Variants in FHIT observed in about 807,000 individuals in gnomAD.
The protein encoded by FHIT is fragile histidine triad diadenosine triphosphatase.
Under a neutral mutation model 17.9 loss-of-function variants are expected in FHIT, and 19 were observed. The observed-to-expected ratio is 1.06, with a 90% CI of 0.74 to 1.56. FHIT has a LOEUF of 1.56. FHIT is among the 40% of genes most tolerant of loss of function. The probability of loss-of-function intolerance (pLI) is 0.00; values close to 1 mark genes in which losing one functional copy is unlikely to be tolerated. For synonymous variants in FHIT, 81 were observed against 69.7 expected (o/e 1.16, Z -0.81); for missense variants, 248 against 189.2 (o/e 1.31, Z -1.82).
chr3:60,567,881 A>G (rs2037198758), intron 4 of FHIT, among the ~76,000 whole-genome samples: 1 of 152,248 alleles, frequency 6.6e-6, no homozygotes, highest in Non-Finnish European at 1.5e-5. Flanking sequence ...TGGCCATCAG[A>G]GAAATGCAAA....
chr3:59,754,742 C>T (rs1701114399), intron 8 of FHIT, among the ~76,000 whole-genome samples: 1 of 152,154 alleles, frequency 6.6e-6, no homozygotes, highest in Non-Finnish European at 1.5e-5. Flanking sequence ...TTGTGCCAAT[C>T]CTTAGAAGAA....
chr3:60,521,405 A>G (rs1465313292), intron 5 of FHIT, among the ~76,000 whole-genome samples: 11 of 151,908 alleles, frequency 7.2e-5, no homozygotes, highest in East Asian at 5.8e-4. Flanking sequence ...CCGCCACCAC[A>G]CCCAGCTAAT....
intron 3 of FHIT, among the ~76,000 whole-genome samples, chr3:60,865,705 T>A (rs1475619833): frequency 1.3e-5 from 2 of 152,130 alleles, no homozygotes; most frequent in African/African-American, 4.8e-5. Flanking sequence ...GGCTCATGAC[T>A]CCCTGTGAGA....
At chr3:60,096,047 T>C (rs985479910) in intron 5 of FHIT, among the ~76,000 whole-genome samples, 3 of 152,198 alleles carry the variant, frequency 2.0e-5, no homozygotes, top group African/African-American at 7.2e-5. Context: ...CTTGATCACT[T>C]TGCAAGCCAG....
At chr3:60,797,991 T>G (rs1022462579) in intron 4 of FHIT, among the ~76,000 whole-genome samples, 1 of 152,328 alleles carries the variant, frequency 6.6e-6, no homozygotes, top group East Asian at 1.9e-4. Flanking sequence ...GTATACATTT[T>G]AAATACAAAT....
At chr3:60,948,925 C>T (rs1177389315) in intron 3 of FHIT, among the ~76,000 whole-genome samples, 2 of 152,010 alleles carry the variant, frequency 1.3e-5, no homozygotes, top group Non-Finnish European at 2.9e-5. Flanking sequence ...AGTTTTCCAT[C>T]GCCCTCAATT....
rs1707723594 is a variant in FHIT, at chr3:59,962,306, A to G, written c.280-39892T>C. On this transcript the variant is annotated intron_variant, in intron 7 of 9. Coordinates refer to ENST00000492590, the MANE Select transcript of FHIT (RefSeq NM_002012.4). ...ATGGGGCTCTTGGAAAATACTTTAT[A>G]CTGCCTGTTCTCAGTTTTTTTCTTC... 2.0e-5 allele frequency among the ~76,000 whole-genome samples: 3 copies of G among 152,166 alleles called. No homozygotes were observed. The South Asian group carries it at 6.2e-4, about 32-fold the overall frequency.
intron 5 of FHIT, among the ~76,000 whole-genome samples, chr3:60,075,232 T>C (rs1022277336): frequency 5.3e-5 from 8 of 152,044 alleles, no homozygotes; most frequent in Non-Finnish European, 1.0e-4. Flanking sequence ...AATGGAATAA[T>C]CAATCACTCA....
At chr3:61,027,831 T>C (rs1178088961) in intron 3 of FHIT, among the ~76,000 whole-genome samples, 2 of 152,226 alleles carry the variant, frequency 1.3e-5, no homozygotes, top group South Asian at 2.1e-4. Context: ...TCAAGAGTAG[T>C]GATTATTTTA....
intron 5 of FHIT, among the ~76,000 whole-genome samples, chr3:60,497,712 T>C (rs2034357150): frequency 6.6e-6 from 1 of 152,168 alleles, no homozygotes; most frequent in African/African-American, 2.4e-5. Context: ...GCTAATTCCG[T>C]CCTTTCCTGG....
chr3:60,729,448 T>C (rs141723197), intron 4 of FHIT, among the ~76,000 whole-genome samples: 75 of 152,198 alleles, frequency 4.9e-4, no homozygotes, highest in Admixed American at 1.6e-3. Context: ...GTAAAATGTA[T>C]GGGGGAAAAT....
At position 60,505,990 on chromosome 3, in the gene FHIT, T is replaced by C. The variant is rs72882160; in HGVS notation, c.103+30870A>G. ...GAAACTATTAGGCCATTTGTAAAAG[T>C]CTGGTTTGATGACTCCTCATTTTGT... On this transcript the variant is annotated intron_variant, in intron 5 of 9. Coordinates refer to ENST00000492590, the MANE Select transcript of FHIT (RefSeq NM_002012.4). 6.6e-3 allele frequency among the ~76,000 whole-genome samples: 1,001 copies of C among 152,312 alleles called. 10 individuals carry two copies. The highest frequency in any genetic ancestry group is 0.023 in the African/African-American group (946 of 41,564).
chr3:60,074,943 A>G (rs1224200383), intron 5 of FHIT, among the ~76,000 whole-genome samples: 1 of 152,074 alleles, frequency 6.6e-6, no homozygotes, highest in African/African-American at 2.4e-5. Context: ...ACTGGATCCA[A>G]GACATGAAGC....
intron 5 of FHIT, among the ~76,000 whole-genome samples, chr3:60,462,810 G>A (rs540963087): frequency 5.2e-4 from 79 of 152,310 alleles, no homozygotes; most frequent in Admixed American, 2.9e-3. Flanking sequence ...GGAGATCACT[G>A]GGCTAATACT....
intron 8 of FHIT, among the ~76,000 whole-genome samples, chr3:59,883,716 G>A (rs13316171): frequency 0.021 from 3,184 of 152,300 alleles, 107 homozygotes; most frequent in African/African-American, 0.072. Flanking sequence ...TCTGTGCAGT[G>A]ACATCAGGTT....
intron 5 of FHIT, among the ~76,000 whole-genome samples, chr3:60,510,443 C>T (rs1348325957): frequency 1.3e-5 from 2 of 152,200 alleles, no homozygotes; most frequent in African/African-American, 4.8e-5. Flanking sequence ...CATATCATTT[C>T]TAGGCCTTGA....
intron 4 of FHIT, among the ~76,000 whole-genome samples, chr3:60,769,969 C>G (rs1328345538): frequency 1.3e-5 from 2 of 152,190 alleles, no homozygotes; most frequent in Admixed American, 1.3e-4. Context: ...ACACCCCACT[C>G]AAACTGAGTA....
At chr3:59,953,897 G>A (rs922509527) in intron 7 of FHIT, among the ~76,000 whole-genome samples, 19 of 152,208 alleles carry the variant, frequency 1.2e-4, no homozygotes, top group African/African-American at 3.9e-4. Context: ...GATGCCTGTG[G>A]TGTGAGTCAG....
chr3:60,000,390 A>T (rs1486046798), intron 7 of FHIT, among the ~76,000 whole-genome samples: 3 of 152,212 alleles, frequency 2.0e-5, no homozygotes, highest in Non-Finnish European at 2.9e-5. Flanking sequence ...ATTCATTTTC[A>T]TATATTCTAT....
Sources: allele counts gnomAD v4.1 joint callset (sites outside exome capture counted in the v4.1 genomes callset), GRCh38; gene constraint gnomAD v4.1.1; transcripts MANE v1.5; gene names NCBI Gene and HGNC (gene_info 2026-07-23, HGNC 2026-07-21).